PHC2: variants seen among roughly 807,000 people sequenced by gnomAD.
The protein encoded by PHC2 is polyhomeotic homolog 2, also known as polyhomeotic-like protein 2.
PHC2 carries 29 observed loss-of-function variants against 87.4 expected under a neutral mutation model. The observed-to-expected ratio is 0.33, with a 90% CI of 0.25 to 0.45. The LOEUF is 0.45. Among genes scored for constraint, PHC2 ranks in the 20% least tolerant of loss-of-function variants. The probability of loss-of-function intolerance (pLI) is 1.00; values close to 1 mark genes in which losing one functional copy is unlikely to be tolerated. For synonymous variants in PHC2, 438 were observed against 461.7 expected (o/e 0.95, Z 0.66); for missense variants, 857 against 1,136.7 (o/e 0.75, Z 3.54).
intron 7 of PHC2, among the ~76,000 whole-genome samples, chr1:33,356,113 C>T (rs773057619): frequency 2.0e-5 from 3 of 151,694 alleles, no homozygotes; most frequent in East Asian, 1.9e-4. Context: ...GAACTCCTTG[C>T]GGTCAGAAAC....
At chr1:33,329,691 G>A (rs183003660) in intron 13 of PHC2, among the ~76,000 whole-genome samples, 1 of 152,156 alleles carries the variant, frequency 6.6e-6, no homozygotes, top group East Asian at 1.9e-4. Flanking sequence ...CGCGTGTTCA[G>A]GGAGGCAAAA....
chr1:33,392,718 T>C (rs1649122284), intron 1 of PHC2: 1 of 152,152 alleles, frequency 6.6e-6, no homozygotes, highest in Admixed American at 6.5e-5. Flanking sequence ...TGTCCCCGCC[T>C]TCAAGATCAT....
chr1:33,388,318 ATTT>A (rs751211305), intron 1 of PHC2, among the ~76,000 whole-genome samples: 3 of 126,128 alleles, frequency 2.4e-5, no homozygotes, highest in South Asian at 2.7e-4. Context: ...AATGACAGCA[ATTT>A]TTTTTTTTTT....
At chr1:33,424,097 CA>C (rs11322060) in intron 1 of PHC2, among the ~76,000 whole-genome samples, 54,840 of 108,330 alleles carry the variant, frequency 0.51, 10,269 homozygotes, top group South Asian at 0.61. Context: ...GACTCCGTCT[CA>C]AAAAAAAAAA....
chr1:33,348,298 G>A (rs894446941), intron 9 of PHC2, among the ~76,000 whole-genome samples: 6 of 152,198 alleles, frequency 3.9e-5, no homozygotes, highest in Non-Finnish European at 5.9e-5. Flanking sequence ...GGGTGGGGGA[G>A]GTGGGAAGAA....
At position 33,331,421 on chromosome 1, in the gene PHC2, G is replaced by A. The variant is rs145272571; in HGVS notation, c.1933C>T (p.Leu645Phe). The A allele has an allele frequency of 1.9e-6, 3 of 1,612,418 alleles. No individual in the cohort carries two copies. The highest frequency in any genetic ancestry group is 2.5e-6 in the Non-Finnish European group (3 of 1,178,836). ...TAGGCAAAGTCCACCCGGCCACAGA[G>A]CTCACACTTGAGTTTGAGGGGAGCA... is the stretch of plus-strand genomic sequence containing the variant. ...EGAPLKLKCE[L>F]CGRVDFAYKF... Residue 645 changes from leucine to phenylalanine, a missense_variant, in exon 12 of 15, where the codon CTC becomes TTC. By Grantham distance (22) the Leu-to-Phe change is conservative. Coordinates refer to ENST00000683057, the MANE Select transcript of PHC2 (RefSeq NM_001385109.1). The surrounding 1 kb of genome is among the most constrained non-coding windows in gnomAD (Gnocchi z 5.2).
At chr1:33,351,856 G>A (rs1646978393) in intron 9 of PHC2, among the ~76,000 whole-genome samples, 1 of 151,240 alleles carries the variant, frequency 6.6e-6, no homozygotes, top group Admixed American at 6.6e-5. Context: ...GGAGGCTGAG[G>A]CAGGAGAGTC....
chr1:33,400,193 T>C (rs951793700), intron 1 of PHC2, among the ~76,000 whole-genome samples: 3 of 152,204 alleles, frequency 2.0e-5, no homozygotes, highest in African/African-American at 7.2e-5. Context: ...TTGGTAAGAA[T>C]ATAATTTGGA....
Position 33,341,883 on chromosome 1 carries a change from C to T in PHC2, c.1559-7591G>A, listed in dbSNP as rs546726706. On this transcript the variant is annotated intron_variant, in intron 9 of 14. Coordinates refer to ENST00000683057, the MANE Select transcript of PHC2 (RefSeq NM_001385109.1). ...TCTGAATACCAGAAGGCAGGGGGAA[C>T]ATCCAATGTCTGCAGCCTTTTCAAA... 2.6e-5 allele frequency among the ~76,000 whole-genome samples: 4 copies of T among 152,350 alleles called. No individual in the cohort carries two copies. In the East Asian group the frequency reaches 7.7e-4, roughly 29 times the overall value.
At position 33,382,878 on chromosome 1, in the gene PHC2, G is replaced by C. The variant is rs905384009; in HGVS notation, c.-54-7285C>G. Among the ~76,000 whole-genome samples the C allele has an allele frequency of 4.6e-5, 7 of 152,168 alleles. No individual in the cohort carries two copies. Among genetic ancestry groups the C allele is most frequent in the Non-Finnish European group, 1.0e-4 (7 of 68,036 alleles). ...TGACAGAGGTTCCGGGAAAGCAGAGGGGAAGGATACTGAAAACCTCTCTCC... is the reference window on the plus strand; with the variant it reads ...TGACAGAGGTTCCGGGAAAGCAGAGCGGAAGGATACTGAAAACCTCTCTCC... On this transcript the variant is annotated intron_variant, in intron 1 of 14. Transcript: ENST00000683057. The surrounding 1 kb of genome is among the most constrained non-coding windows in gnomAD (Gnocchi z 4.3).
intron 1 of PHC2, among the ~76,000 whole-genome samples, chr1:33,415,348 T>A (rs1224113806): frequency 1.3e-5 from 2 of 152,192 alleles, no homozygotes; most frequent in African/African-American, 2.4e-5. Flanking sequence ...TGTGTTCACA[T>A]CTATCTGAGC....
chr1:33,413,213 C>T (rs535562692), intron 1 of PHC2, among the ~76,000 whole-genome samples: 1 of 152,276 alleles, frequency 6.6e-6, no homozygotes, highest in African/African-American at 2.4e-5. Flanking sequence ...ATGATCCCCC[C>T]GCCTCGGCCT....
Position 33,369,762 on chromosome 1 carries a change from T to C in PHC2, c.576+659A>G, listed in dbSNP as rs781402155. On this transcript the variant is annotated intron_variant, in intron 5 of 14. Transcript: ENST00000683057. This position sits in a 1 kb window ranked among gnomAD's most constrained non-coding sequence, Gnocchi z 4.7. ...CGACCCACAGTGACTGAGCCCTAGC[T>C]GGGGCTGCATGCTACTGCCACCCAG... 3.9e-5 allele frequency among the ~76,000 whole-genome samples: 6 copies of C among 152,184 alleles called. No homozygotes were observed. Among genetic ancestry groups the C allele is most frequent in the Non-Finnish European group, 8.8e-5 (6 of 68,036 alleles).
At chr1:33,400,142 C>T (rs1458167559) in intron 1 of PHC2, among the ~76,000 whole-genome samples, 2 of 151,926 alleles carry the variant, frequency 1.3e-5, no homozygotes, top group African/African-American at 2.4e-5. Context: ...TTTAATAATA[C>T]GGAGGGCTGA....
chr1:33,344,964 G>A (rs1646819868), intron 9 of PHC2, among the ~76,000 whole-genome samples: 1 of 151,912 alleles, frequency 6.6e-6, no homozygotes, highest in Non-Finnish European at 1.5e-5. Flanking sequence ...TGCTTTGATT[G>A]TTCAAAAATG....
chr1:33,345,278 C>A (rs1489858501), intron 9 of PHC2: 1 of 152,256 alleles, frequency 6.6e-6, no homozygotes, highest in Non-Finnish European at 1.5e-5. Context: ...CTGAAAAAAA[C>A]AGACATTTGC....
intron 1 of PHC2, among the ~76,000 whole-genome samples, chr1:33,410,641 A>C (rs1207030100): frequency 6.6e-6 from 1 of 152,210 alleles, no homozygotes; most frequent in East Asian, 1.9e-4. Flanking sequence ...GGCAATGGGC[A>C]GACTAAGCCT....
rs10914692 is a variant in PHC2 at position 33,367,332 on chromosome 1, G to A, written c.760C>T (p.Pro254Ser). 114,223 of 1,613,172 alleles carry A rather than the reference G, an allele frequency of 0.071. 6,190 individuals are homozygous for A. Among genetic ancestry groups the A allele is most frequent in the African/African-American group, 0.29 (21,556 of 74,950 alleles). The change falls in exon 7 of 15, where the codon CCC (proline) becomes TCC (serine). Residue 254 changes from proline to serine, a missense_variant. Around this residue, in one of 3 missense-constraint regions of PHC2, gnomAD observed 832 missense variants for 1,081.8 expected, o/e 0.77. Transcript: ENST00000683057. Reference protein sequence around the residue: ...QPVLPSLALKPTPGGSQPLPT... With the variant: ...QPVLPSLALKSTPGGSQPLPT... ...AGAGGCTGGCTACCGCCCGGCGTGG[G>A]TTTCAGGGCCAAGCTGGGCAGGACA...
rs780290164 is a variant in PHC2 at position 33,328,965 on chromosome 1, A to G, written c.2330T>C (p.Met777Thr). ...GTGTCCCATGCCCACCAGGTCCCGC[A>G]TATGCATGTCGGGGAGCTCCAGGTC... ...QRDLELPDMH[M>T]RDLVGMGHHF... Residue 777 changes from methionine to threonine, a missense_variant, in exon 14 of 15, where the codon ATG becomes ACG. Around this residue, in one of 3 missense-constraint regions of PHC2, gnomAD observed 832 missense variants for 1,081.8 expected, o/e 0.77. Transcript: ENST00000683057. 18 of 1,613,980 alleles carry G rather than the reference A, an allele frequency of 1.1e-5. No individual in the cohort carries two copies. The South Asian group carries it at 1.8e-4, about 16-fold the overall frequency.
Sources: gnomAD v4.1 joint callset for allele counts (sites outside exome capture counted in the v4.1 genomes callset) on GRCh38, gnomAD v4.1.1 for gene constraint, gnomAD v4.1.1 regional missense constraint, Gnocchi (gnomAD v3.1) non-coding constraint, MANE v1.5 for transcripts, NCBI Gene and HGNC (gene_info 2026-07-23, HGNC 2026-07-21) for gene names.